The following COL10A1 variants were observed in gnomAD, a reference collection of about 807,000 sequenced individuals.
COL10A1 encodes the protein collagen type X alpha 1 chain.
Under a neutral mutation model 18.2 loss-of-function variants are expected in COL10A1, and 10 were observed. That is an observed-to-expected ratio of 0.55 (90% confidence interval 0.34 to 0.93). COL10A1 has a LOEUF of 0.93. COL10A1 is among the 40% of genes least tolerant of loss of function. The pLI is 0.02. For missense variants in COL10A1, 897 were observed against 853.5 expected (o/e 1.05, Z -0.64); for synonymous variants, 330 against 316.6 (o/e 1.04, Z -0.45).
At chr6:116,126,305 A>G (rs1779308084), upstream of COL10A1, among the ~76,000 whole-genome samples, 1 of 152,124 alleles carries the variant, frequency 6.6e-6, no homozygotes. Context: ...TTTCTTATTT[A>G]AAAATAAACC....
At chr6:116,203,905 A>G in the COL10A1 span, among the ~76,000 whole-genome samples, 2 of 151,964 alleles carry the variant, frequency 1.3e-5, no homozygotes, top group Non-Finnish European at 2.9e-5. Context: ...CTTGATATCT[A>G]TAATTATTAT....
chr6:116,205,158 C>T, the COL10A1 span, among the ~76,000 whole-genome samples: 1 of 151,872 alleles, frequency 6.6e-6, no homozygotes, highest in African/African-American at 2.4e-5. Context: ...CTCTTTTCTG[C>T]TTATCATTAC....
the COL10A1 span, among the ~76,000 whole-genome samples, chr6:116,186,582 C>T: frequency 7.4e-4 from 113 of 151,890 alleles, 1 homozygote; most frequent in Non-Finnish European, 1.1e-3. Context: ...TTATTTAATT[C>T]TTTTTTCTTT....
chr6:116,180,058 CTG>C, the COL10A1 span, among the ~76,000 whole-genome samples: 2 of 151,976 alleles, frequency 1.3e-5, no homozygotes, highest in Non-Finnish European at 2.9e-5. Context: ...TTCTCTATAA[CTG>C]TGTTGAATTT....
intron 1 of COL10A1, among the ~76,000 whole-genome samples, chr6:116,144,514 G>C (rs1779848109): frequency 6.6e-6 from 1 of 151,130 alleles, no homozygotes; most frequent in Non-Finnish European, 1.5e-5. Flanking sequence ...AAAAAAAAAA[G>C]TGTAAAAGGA....
At chr6:116,199,998 G>GC in the COL10A1 span, among the ~76,000 whole-genome samples, 1,729 of 113,396 alleles carry the variant, frequency 0.015, 51 homozygotes, top group African/African-American at 0.093. Context: ...AGTATGGAAA[G>GC]TGGGGGGGGA....
At chr6:116,161,801 T>G (rs757854439), upstream of COL10A1, among the ~76,000 whole-genome samples, 22 of 152,202 alleles carry the variant, frequency 1.4e-4, no homozygotes, top group Non-Finnish European at 2.4e-4. Context: ...TGCATTGACT[T>G]TCTAGATTGC....
the COL10A1 span, among the ~76,000 whole-genome samples, chr6:116,216,094 C>T: frequency 1.3e-5 from 2 of 152,088 alleles, no homozygotes; most frequent in Admixed American, 6.5e-5. Context: ...GAGTACCATG[C>T]TTAATTGGTA....
the COL10A1 span, among the ~76,000 whole-genome samples, chr6:116,192,350 C>A: frequency 0.026 from 3,913 of 151,976 alleles, 156 homozygotes; most frequent in African/African-American, 0.089. Context: ...GGCATTATTT[C>A]CGTTTTGGGT....
the COL10A1 span, among the ~76,000 whole-genome samples, chr6:116,183,726 C>T: frequency 6.6e-6 from 1 of 151,788 alleles, no homozygotes; most frequent in Admixed American, 6.6e-5. Flanking sequence ...TATAGCAGGG[C>T]TACTCATTTT....
upstream of COL10A1, among the ~76,000 whole-genome samples, chr6:116,160,380 T>A (rs1582843437): frequency 1.3e-5 from 2 of 152,326 alleles, no homozygotes; most frequent in East Asian, 3.9e-4. Context: ...ATGTTGAGCA[T>A]TTTCCATATG....
intron 1 of COL10A1, among the ~76,000 whole-genome samples, chr6:116,135,874 C>CACATATATATATATATAT (rs1562132758): frequency 3.7e-5 from 2 of 53,816 alleles, no homozygotes; most frequent in African/African-American, 1.5e-4. Flanking sequence ...TATATATATA[C>CACATATATATATATATAT]ACACATACAC....
In COL10A1 at chr6:116,121,124, G is replaced by A. The variant is rs1399184495; in HGVS notation, c.992C>T (p.Pro331Leu). 1 of 1,613,576 alleles carries A rather than the reference G, an allele frequency of 6.2e-7. No homozygotes were observed. The highest frequency in any genetic ancestry group is 1.3e-5 in the African/African-American group (1 of 75,022). Residue 331 changes from proline to leucine, a missense_variant, in exon 3 of 3, where the codon CCT becomes CTT. Pro to Leu is a moderately conservative substitution (Grantham distance 98). Coordinates refer to ENST00000651968, the MANE Select transcript of COL10A1 (RefSeq NM_000493.4). ...GGGTCCAGTCAGACCTGGCTTCCCA[G>A]GAAGACCTGCTGGCCCTTGTTCCCC... ...AKGEQGPAGLPGKPGLTGPPG... is the reference protein window; with the variant it reads ...AKGEQGPAGLLGKPGLTGPPG...
chr6:116,216,404 T>A, the COL10A1 span, among the ~76,000 whole-genome samples: 71 of 147,394 alleles, frequency 4.8e-4, no homozygotes, highest in Non-Finnish European at 2.4e-4. Flanking sequence ...AAAAAAAAAA[T>A]ACCAATGTTG....
At chr6:116,198,737 A>G in the COL10A1 span, among the ~76,000 whole-genome samples, 36 of 151,706 alleles carry the variant, frequency 2.4e-4, no homozygotes, top group Non-Finnish European at 4.0e-4. Flanking sequence ...TCTAAACAAT[A>G]TTTTTTTAAA....
intron 1 of COL10A1, among the ~76,000 whole-genome samples, chr6:116,150,228 G>A (rs1231835005): frequency 6.6e-6 from 1 of 152,072 alleles, no homozygotes; most frequent in Non-Finnish European, 1.5e-5. Context: ...AGCATGCTGA[G>A]GGAGCCCATG....
At chr6:116,197,323 T>C in the COL10A1 span, among the ~76,000 whole-genome samples, 1 of 152,006 alleles carries the variant, frequency 6.6e-6, no homozygotes, top group Non-Finnish European at 1.5e-5. Flanking sequence ...CTGAGACTTA[T>C]AACTGAACAT....
At chr6:116,198,275 T>G in the COL10A1 span, among the ~76,000 whole-genome samples, 1 of 152,058 alleles carries the variant, frequency 6.6e-6, no homozygotes, top group African/African-American at 2.4e-5. Context: ...CCACACAGCT[T>G]GATCCTGAAA....
chr6:116,134,257 G>T (rs1779535620), intron 1 of COL10A1, among the ~76,000 whole-genome samples: 1 of 152,128 alleles, frequency 6.6e-6, no homozygotes, highest in African/African-American at 2.4e-5. Flanking sequence ...CAGTTGCCAG[G>T]TTGGGTTCTA....
Sources: allele counts gnomAD v4.1 joint callset (sites outside exome capture counted in the v4.1 genomes callset), GRCh38; gene constraint gnomAD v4.1.1; transcripts MANE v1.5; gene names NCBI Gene and HGNC (gene_info 2026-07-23, HGNC 2026-07-21).